Variants in PRSS3 observed in about 807,000 individuals in gnomAD.
The protein encoded by PRSS3 is trypsin-3.
A neutral mutation model predicts 20.8 loss-of-function variants in PRSS3; 14 were observed. That is an observed-to-expected ratio of 0.67 (90% confidence interval 0.44 to 1.05). The LOEUF is 1.05. PRSS3 is among the 50% of genes least tolerant of loss of function. PRSS3 has a pLI of 0.00. For synonymous variants in PRSS3, 91 were observed against 117.6 expected, an observed-to-expected ratio of 0.77 and a Z score of 1.46; for missense variants, 237 against 306.4, an observed-to-expected ratio of 0.77 and a Z score of 1.69.
At chr9:33,760,831 G>T (rs1331706507) in intron 1 of PRSS3, among the ~76,000 whole-genome samples, 3 of 152,032 alleles carry the variant, frequency 2.0e-5, no homozygotes, top group Non-Finnish European at 2.9e-5. Context: ...CAGCATTCAG[G>T]CTAGGACCCA....
chr9:33,775,700 G>GTTTT (rs34447292), intron 1 of PRSS3, among the ~76,000 whole-genome samples: 5 of 128,676 alleles, frequency 3.9e-5, no homozygotes, highest in Non-Finnish European at 4.9e-5. Flanking sequence ...TGGGCTTGAA[G>GTTTT]TTTTTTTTTT....
intron 1 of PRSS3, among the ~76,000 whole-genome samples, chr9:33,769,750 G>C (rs1033116461): frequency 3.3e-5 from 5 of 152,208 alleles, no homozygotes; most frequent in African/African-American, 1.2e-4. Context: ...GGATGCCCCA[G>C]CCCAGGACCA....
At chr9:33,775,330 A>G (rs1823874299) in intron 1 of PRSS3, among the ~76,000 whole-genome samples, 5 of 152,198 alleles carry the variant, frequency 3.3e-5, no homozygotes, top group Admixed American at 3.3e-4. Flanking sequence ...CTGCCATACA[A>G]ACAGATTCAA....
intron 1 of PRSS3, among the ~76,000 whole-genome samples, chr9:33,764,652 C>T (rs1265897254): frequency 3.9e-5 from 6 of 152,110 alleles, no homozygotes; most frequent in African/African-American, 1.4e-4. Flanking sequence ...GATATAACGT[C>T]AAAAGCACAA....
intron 1 of PRSS3, among the ~76,000 whole-genome samples, chr9:33,785,469 G>A (rs1824362987): frequency 6.6e-6 from 1 of 152,106 alleles, no homozygotes; most frequent in Non-Finnish European, 1.5e-5. Flanking sequence ...GAGCCACCGC[G>A]CCCGGCCCAT....
intron 1 of PRSS3, among the ~76,000 whole-genome samples, chr9:33,789,772 T>C (rs1824553953): frequency 6.6e-6 from 1 of 152,232 alleles, no homozygotes; most frequent in Non-Finnish European, 1.5e-5. Context: ...CTTCCTATAT[T>C]ACAAAATTGC....
At chr9:33,769,363 A>G (rs569006175) in intron 1 of PRSS3, among the ~76,000 whole-genome samples, 2 of 152,346 alleles carry the variant, frequency 1.3e-5, no homozygotes, top group Non-Finnish European at 2.9e-5. Context: ...ACAGTCAACC[A>G]ACTCAGCAAG....
chr9:33,792,531 A>G (rs185387953), upstream of PRSS3, among the ~76,000 whole-genome samples: 1 of 152,356 alleles, frequency 6.6e-6, no homozygotes, highest in African/African-American at 2.4e-5. Flanking sequence ...TCTGCTGCCT[A>G]CCACCTCAGT....
chr9:33,778,891 C>T (rs1824058159), intron 1 of PRSS3, among the ~76,000 whole-genome samples: 1 of 152,218 alleles, frequency 6.6e-6, no homozygotes, highest in South Asian at 2.1e-4. Context: ...ACAAGAGCCA[C>T]ACAAGCTGGG....
chr9:33,769,287 C>T (rs1429865091), intron 1 of PRSS3, among the ~76,000 whole-genome samples: 3 of 152,160 alleles, frequency 2.0e-5, no homozygotes, highest in African/African-American at 7.2e-5. Flanking sequence ...AAAGCACATT[C>T]TGGAGAAAAG....
At chr9:33,770,701 T>C (rs1051672554) in intron 1 of PRSS3, among the ~76,000 whole-genome samples, 4 of 152,282 alleles carry the variant, frequency 2.6e-5, no homozygotes, top group African/African-American at 9.6e-5. Flanking sequence ...AGGATGACTA[T>C]GTGAGGACAC....
At chr9:33,779,767 G>T (rs1824096571) in intron 1 of PRSS3, among the ~76,000 whole-genome samples, 1 of 150,474 alleles carries the variant, frequency 6.6e-6, no homozygotes, top group African/African-American at 2.4e-5. Context: ...TACTCGGGAG[G>T]CTGAGGCAGG....
At chr9:33,798,869 G>T in intron 4 of PRSS3, 159 bp from the exon 5 acceptor site, 1 of 1,116,406 alleles carries the variant, frequency 9.0e-7, no homozygotes. Flanking sequence ...CCCTTGTGCT[G>T]CACGCTGCCT....
chr9:33,789,035 G>T (rs1314017474), intron 1 of PRSS3, among the ~76,000 whole-genome samples: 3 of 152,048 alleles, frequency 2.0e-5, no homozygotes, highest in South Asian at 2.1e-4. Context: ...GGCCATTTTT[G>T]AAAGCATCTT....
intron 1 of PRSS3, among the ~76,000 whole-genome samples, chr9:33,783,800 G>C (rs1824272908): frequency 6.6e-6 from 1 of 150,740 alleles, no homozygotes; most frequent in Non-Finnish European, 1.5e-5. Flanking sequence ...TGAGGCAGGA[G>C]AATGGCGTGA....
intron 1 of PRSS3, among the ~76,000 whole-genome samples, chr9:33,774,348 A>G (rs1823829154): frequency 6.6e-6 from 1 of 152,184 alleles, no homozygotes; most frequent in Non-Finnish European, 1.5e-5. Flanking sequence ...TGAATCATAC[A>G]TAAGTTTAAA....
intron 4 of PRSS3, 48 bp downstream of exon 4, chr9:33,798,670 C>G (rs767121847): frequency 6.3e-7 from 1 of 1,585,812 alleles, no homozygotes; most frequent in East Asian, 2.2e-5. Context: ...TACCCAGGCC[C>G]CACCGGGGAA....
intron 4 of PRSS3, 82 bp from the exon 5 acceptor site, chr9:33,798,946 G>T (rs1413280622): frequency 6.5e-7 from 1 of 1,539,400 alleles, no homozygotes; most frequent in Admixed American, 1.7e-5. Context: ...GCTGGAAAGG[G>T]GTCTTTTAAG....
intron 2 of PRSS3, among the ~76,000 whole-genome samples, chr9:33,797,626 C>A (rs997398272): frequency 2.0e-5 from 3 of 152,280 alleles, no homozygotes; most frequent in African/African-American, 4.8e-5. Context: ...CACCCCACTA[C>A]CACCAGCCTC....
Sources: allele counts gnomAD v4.1 joint callset (sites outside exome capture counted in the v4.1 genomes callset), GRCh38; gene constraint gnomAD v4.1.1; transcripts MANE v1.5; gene names NCBI Gene and HGNC (gene_info 2026-07-23, HGNC 2026-07-21).